Variants in EPHA6 observed in about 807,000 individuals in gnomAD.
The protein encoded by EPHA6 is ephrin type-A receptor 6.
Under a neutral mutation model 112.0 loss-of-function variants are expected in EPHA6, and 50 were observed. That is an observed-to-expected ratio of 0.45 (90% CI 0.36 to 0.56). The LOEUF is 0.56. Among genes scored for constraint, EPHA6 ranks in the 20% least tolerant of loss-of-function variants. The pLI, the probability that EPHA6 is intolerant of heterozygous loss-of-function variation, is 0.00. For synonymous variants in EPHA6, 529 were observed against 490.7 expected (o/e 1.08, Z -1.03); for missense variants, 1,280 against 1,417.4 (o/e 0.90, Z 1.56).
intron 3 of EPHA6, among the ~76,000 whole-genome samples, chr3:97,124,436 G>A (rs779782720): frequency 1.3e-5 from 2 of 148,596 alleles, no homozygotes; most frequent in Admixed American, 6.7e-5. Flanking sequence ...AGAAAAGTTT[G>A]CCCTGAATGA....
intron 14 of EPHA6, among the ~76,000 whole-genome samples, chr3:97,718,472 T>C (rs1001409015): frequency 1.3e-5 from 2 of 152,194 alleles, no homozygotes; most frequent in Admixed American, 6.5e-5. Flanking sequence ...TTTTTAAGTA[T>C]AAATATGTCT....
At chr3:97,046,840 C>G (rs1482117354) in intron 3 of EPHA6, among the ~76,000 whole-genome samples, 6 of 151,952 alleles carry the variant, frequency 3.9e-5, no homozygotes, top group Admixed American at 3.9e-4. Flanking sequence ...TATTAAAGAT[C>G]AAAAACTAAA....
intron 5 of EPHA6, among the ~76,000 whole-genome samples, chr3:97,331,573 A>G (rs1264422503): frequency 6.6e-6 from 1 of 152,234 alleles, no homozygotes. Flanking sequence ...ATCACCACTG[A>G]TCCCACAGAA....
intron 6 of EPHA6, among the ~76,000 whole-genome samples, chr3:97,433,477 G>A (rs1406530215): frequency 1.3e-5 from 2 of 152,026 alleles, no homozygotes; most frequent in Non-Finnish European, 2.9e-5. Flanking sequence ...TGGAACATAT[G>A]AATATATAAA....
intron 2 of EPHA6, among the ~76,000 whole-genome samples, chr3:96,950,217 A>G (rs747231075): frequency 1.3e-5 from 2 of 152,084 alleles, no homozygotes; most frequent in Non-Finnish European, 2.9e-5. Flanking sequence ...AGCATCTCGT[A>G]ATTTCTCATG....
In EPHA6 at chr3:97,584,670, C is replaced by T. The variant is rs142528687; in HGVS notation, c.2387-7942C>T. Among the ~76,000 whole-genome samples, 380 of 152,150 alleles carry T rather than the reference C, an allele frequency of 2.5e-3. 1 individual carries two copies. The highest frequency in any genetic ancestry group is 8.6e-3 in the African/African-American group (358 of 41,532). ...AAGTTCTCTCCAGCTATGTCAAGCA[C>T]GTTTTGACATGGGAGATGATACCTG... is the stretch of plus-strand genomic sequence containing the variant. On this transcript the variant is annotated intron_variant, in intron 11 of 17. Transcript: ENST00000389672.
chr3:97,646,259 A>T, intron 14 of EPHA6: 6 of 1,534,720 alleles, frequency 3.9e-6, no homozygotes, highest in Non-Finnish European at 4.4e-6. Flanking sequence ...GGGCCATGGG[A>T]GCCAGTGGCC....
At position 97,437,359 on chromosome 3, in the gene EPHA6, T is replaced by G. The variant is rs2089907000; in HGVS notation, c.1732-11209T>G. On this transcript the variant is annotated intron_variant, in intron 6 of 17. Coordinates refer to ENST00000389672, the MANE Select transcript of EPHA6 (RefSeq NM_001080448.3). ...GACCATGCACATGTTGCCTTTCTAG[T>G]TTCCTGCCCCTCCATTCTGCCATGT... Among the ~76,000 whole-genome samples, 7 of 152,310 alleles carry G rather than the reference T, an allele frequency of 4.6e-5. No individual in the cohort carries two copies. The South Asian group carries it at 1.2e-3, about 27-fold the overall frequency.
intron 12 of EPHA6, among the ~76,000 whole-genome samples, chr3:97,600,091 G>T (rs1357886770): frequency 2.0e-5 from 3 of 149,794 alleles, no homozygotes; most frequent in African/African-American, 7.3e-5. Flanking sequence ...GTATAAGAAT[G>T]CTTGTGATTT....
At chr3:96,982,326 C>T (rs1248803807) in intron 2 of EPHA6, among the ~76,000 whole-genome samples, 1 of 152,202 alleles carries the variant, frequency 6.6e-6, no homozygotes, top group East Asian at 1.9e-4. Context: ...AGTAGTCATT[C>T]AGGAGCAGGT....
intron 3 of EPHA6, among the ~76,000 whole-genome samples, chr3:97,197,298 T>A (rs896850692): frequency 2.6e-5 from 4 of 151,966 alleles, no homozygotes; most frequent in Non-Finnish European, 5.9e-5. Flanking sequence ...GAAGTCAGCG[T>A]GGCCCTGGAT....
At chr3:97,692,637 T>C (rs2032744157) in intron 14 of EPHA6, among the ~76,000 whole-genome samples, 2 of 152,218 alleles carry the variant, frequency 1.3e-5, no homozygotes, top group African/African-American at 4.8e-5. Flanking sequence ...CTGAAACATC[T>C]CTCTGTGTGA....
At chr3:97,459,525 T>G (rs2090814870) in intron 7 of EPHA6, among the ~76,000 whole-genome samples, 2 of 152,140 alleles carry the variant, frequency 1.3e-5, no homozygotes, top group African/African-American at 4.8e-5. Context: ...TGCAATGCCA[T>G]CCTTACCTTG....
chr3:97,688,791 C>T (rs1223538755), intron 14 of EPHA6, among the ~76,000 whole-genome samples: 2 of 151,586 alleles, frequency 1.3e-5, no homozygotes, highest in Non-Finnish European at 2.9e-5. Flanking sequence ...TGGGATTACA[C>T]TTTTTTAAAA....
At chr3:97,096,523 C>G (rs1326723553) in intron 3 of EPHA6, among the ~76,000 whole-genome samples, 5 of 151,748 alleles carry the variant, frequency 3.3e-5, no homozygotes, top group African/African-American at 9.7e-5. Flanking sequence ...CAACCTCATG[C>G]CTTATGACTT....
intron 2 of EPHA6, among the ~76,000 whole-genome samples, chr3:96,898,215 C>T (rs2038387413): frequency 6.6e-6 from 1 of 152,064 alleles, no homozygotes; most frequent in Non-Finnish European, 1.5e-5. Flanking sequence ...CATATGTTGT[C>T]TCATTATCCA....
At chr3:97,670,454 T>C (rs1431307202) in intron 14 of EPHA6, among the ~76,000 whole-genome samples, 1 of 152,238 alleles carries the variant, frequency 6.6e-6, no homozygotes, top group African/African-American at 2.4e-5. Flanking sequence ...TTATGTCTTC[T>C]GACATCTTTC....
At chr3:96,817,711 T>C (rs573591715) in intron 1 of EPHA6, among the ~76,000 whole-genome samples, 13 of 151,956 alleles carry the variant, frequency 8.6e-5, no homozygotes, top group Non-Finnish European at 1.8e-4. Flanking sequence ...CCAAATTATA[T>C]GACATCCTTC....
At chr3:97,367,352 G>C (rs1018861928) in intron 5 of EPHA6, among the ~76,000 whole-genome samples, 1 of 152,090 alleles carries the variant, frequency 6.6e-6, no homozygotes, top group Non-Finnish European at 1.5e-5. Flanking sequence ...TTCTGCAGCC[G>C]TATTGGAGAG....
Sources: allele counts gnomAD v4.1 joint callset (sites outside exome capture counted in the v4.1 genomes callset), GRCh38; gene constraint gnomAD v4.1.1; transcripts MANE v1.5; gene names NCBI Gene and HGNC (gene_info 2026-07-23, HGNC 2026-07-21).